Variants in TYW1 observed in about 807,000 individuals in gnomAD.
TYW1 encodes S-adenosyl-L-methionine-dependent tRNA 4-demethylwyosine synthase TYW1.
A neutral mutation model predicts 96.2 loss-of-function variants in TYW1; 46 were observed. The observed-to-expected ratio is 0.48, with a 90% confidence interval of 0.38 to 0.61. The LOEUF (loss-of-function observed/expected upper bound fraction) is 0.61, where lower values mean the gene tolerates loss of function less well. TYW1 is among the 20% of genes least tolerant of loss of function. TYW1 has a pLI of 0.00. For missense variants in TYW1, 684 were observed against 909.6 expected, an observed-to-expected ratio of 0.75 and a Z score of 3.19; for synonymous variants, 274 against 323.0, an observed-to-expected ratio of 0.85 and a Z score of 1.63.
At chr7:67,135,391 G>T (rs980666220) in intron 13 of TYW1, among the ~76,000 whole-genome samples, 1 of 134,894 alleles carries the variant, frequency 7.4e-6, no homozygotes, top group African/African-American at 2.9e-5. Context: ...TGCAACCTCC[G>T]CCTCCTGGGT....
chr7:67,228,576 G>A (rs1484781625), intron 15 of TYW1, among the ~76,000 whole-genome samples: 1 of 152,150 alleles, frequency 6.6e-6, no homozygotes, highest in Non-Finnish European at 1.5e-5. Flanking sequence ...AATAAAGAAT[G>A]GTATAGTGTT....
intron 10 of TYW1, among the ~76,000 whole-genome samples, chr7:67,070,546 A>T (rs1430645804): frequency 1.3e-5 from 2 of 151,974 alleles, no homozygotes; most frequent in African/African-American, 2.4e-5. Flanking sequence ...CCCTCTAGTG[A>T]AGTCTTCATT....
Position 67,100,032 on chromosome 7 carries a change from C to T in TYW1, c.1562+1314C>T, listed in dbSNP as rs139598904. Reference sequence around the variant, plus strand: ...AAAAAAAGATGCTATTGAAGGATTGCTAGGTATGATTGGCAAACTGCTTGT... The same window carrying T: ...AAAAAAAGATGCTATTGAAGGATTGTTAGGTATGATTGGCAAACTGCTTGT... On this transcript the variant is annotated intron_variant, in intron 12 of 15. Transcript: ENST00000359626. Among the ~76,000 whole-genome samples, 292 of 151,958 alleles carry T rather than the reference C, an allele frequency of 1.9e-3. 1 individual carries two copies. Among genetic ancestry groups the T allele is most frequent in the African/African-American group, 6.8e-3 (283 of 41,452 alleles).
chr7:67,149,864 C>T (rs1798745211), intron 13 of TYW1, among the ~76,000 whole-genome samples: 1 of 152,018 alleles, frequency 6.6e-6, no homozygotes, highest in African/African-American at 2.4e-5. Context: ...GAGACCCCGA[C>T]CTGGTCCAGT....
intron 13 of TYW1, among the ~76,000 whole-genome samples, chr7:67,155,450 C>T (rs1326771910): frequency 6.6e-6 from 1 of 152,184 alleles, no homozygotes; most frequent in Non-Finnish European, 1.5e-5. Context: ...GTGTATGCCT[C>T]CTGAGGCCTC....
intron 12 of TYW1, among the ~76,000 whole-genome samples, chr7:67,100,957 A>G (rs1404038675): frequency 2.0e-5 from 3 of 151,836 alleles, no homozygotes; most frequent in African/African-American, 7.2e-5. Flanking sequence ...TGACTGAGTT[A>G]GGTCAGAAGC....
intron 7 of TYW1, among the ~76,000 whole-genome samples, chr7:67,030,334 G>A (rs1238259635): frequency 2.6e-5 from 4 of 152,100 alleles, no homozygotes; most frequent in Non-Finnish European, 5.9e-5. Flanking sequence ...CAGGGTCAAA[G>A]GTCAGATATA....
At chr7:67,098,450 T>G in intron 11 of TYW1, 91 bp from the exon 12 acceptor site, 1 of 1,341,656 alleles carries the variant, frequency 7.5e-7, no homozygotes, top group South Asian at 1.8e-5. Context: ...ATGAATTTGC[T>G]CTATAAAATC....
At chr7:67,166,399 G>A (rs1965480) in intron 13 of TYW1, among the ~76,000 whole-genome samples, 34,354 of 137,856 alleles carry the variant, frequency 0.25, 5,021 homozygotes, top group African/African-American at 0.37. Flanking sequence ...TTAAATTGGA[G>A]TATACCATAC....
chr7:67,065,495 G>A (rs1795827629), intron 9 of TYW1, among the ~76,000 whole-genome samples: 1 of 152,122 alleles, frequency 6.6e-6, no homozygotes, highest in Admixed American at 6.6e-5. Context: ...TTTGTTGGAC[G>A]TTTCGGTTTT....
chr7:67,127,514 C>T (rs773714069), intron 13 of TYW1, among the ~76,000 whole-genome samples: 9 of 152,062 alleles, frequency 5.9e-5, no homozygotes, highest in Non-Finnish European at 1.3e-4. Flanking sequence ...GTATCATTGC[C>T]ATCACTCATT....
At chr7:67,153,925 CT>C (rs34003922) in intron 13 of TYW1, among the ~76,000 whole-genome samples, 30 of 130,350 alleles carry the variant, frequency 2.3e-4, no homozygotes, top group East Asian at 7.2e-4. Context: ...TAACGACTTT[CT>C]TTTTTTTTTT....
At chr7:67,176,185 T>A (rs1326101420) in intron 13 of TYW1, among the ~76,000 whole-genome samples, 1 of 152,170 alleles carries the variant, frequency 6.6e-6, no homozygotes, top group Non-Finnish European at 1.5e-5. Context: ...AAAAGTATAT[T>A]ACCTAGGAAT....
rs547570988 is a variant in TYW1, at chr7:67,017,836, C to T, written c.571-17C>T. 1.6e-5 allele frequency: 26 copies of T among 1,603,794 alleles called. No homozygotes were observed. The African/African-American group carries it at 2.3e-4, about 14-fold the overall frequency. On this transcript the variant is annotated splice_polypyrimidine_tract_variant and intron_variant, in intron 5 of 15. Transcript: ENST00000359626. ...TTAGAGAACCGTGCTTTTAGCCTAT[C>T]TATCTTTTCCTCACAGGTTGGCAAA...
Position 67,066,048 on chromosome 7 carries a change from C to T in TYW1, c.1156-1237C>T, listed in dbSNP as rs548226630. ...ACACACACACCCACACCCCTATACA[C>T]GTGTAAAGGCTACTCATTCGTGTCT... On this transcript the variant is annotated intron_variant, in intron 9 of 15. Transcript: ENST00000359626. 3.2e-4 allele frequency among the ~76,000 whole-genome samples: 48 copies of T among 151,808 alleles called. No homozygotes were observed. In the South Asian group the frequency reaches 7.3e-3, roughly 23 times the overall value.
At chr7:67,033,681 CTG>C (rs1794739022) in intron 7 of TYW1, among the ~76,000 whole-genome samples, 2 of 151,072 alleles carry the variant, frequency 1.3e-5, no homozygotes, top group African/African-American at 4.9e-5. Flanking sequence ...TCTTTCATCT[CTG>C]TGATCTGGGG....
intron 3 of TYW1, among the ~76,000 whole-genome samples, chr7:67,006,729 C>T (rs1250718195): frequency 6.6e-6 from 1 of 151,994 alleles, no homozygotes; most frequent in Non-Finnish European, 1.5e-5. Context: ...CATGAGCCAC[C>T]ATGCCCGGCC....
At chr7:67,227,043 A>G (rs1195184612) in intron 15 of TYW1, among the ~76,000 whole-genome samples, 1 of 152,176 alleles carries the variant, frequency 6.6e-6, no homozygotes, top group Non-Finnish European at 1.5e-5. Flanking sequence ...TTCGTTTTGC[A>G]TTAGTGTTCT....
chr7:67,181,452 A>G (rs1799839630), intron 13 of TYW1, among the ~76,000 whole-genome samples: 1 of 152,330 alleles, frequency 6.6e-6, no homozygotes, highest in South Asian at 2.1e-4. Flanking sequence ...CTTGGAAAAC[A>G]TTAATTTCTG....
Sources: gnomAD v4.1 joint callset for allele counts (sites outside exome capture counted in the v4.1 genomes callset) on GRCh38, gnomAD v4.1.1 for gene constraint, MANE v1.5 for transcripts, NCBI Gene and HGNC (gene_info 2026-07-23, HGNC 2026-07-21) for gene names.